ZNF334: variants seen among roughly 807,000 people sequenced by gnomAD.
The protein encoded by ZNF334 is zinc finger protein 334.
In ZNF334, 14 loss-of-function variants were observed where a neutral mutation model predicts 12.4. That is an observed-to-expected ratio of 1.13 (90% CI 0.74 to 1.76). The LOEUF (loss-of-function observed/expected upper bound fraction) is 1.76, where lower values mean the gene tolerates loss of function less well. Ranked by LOEUF, ZNF334 falls within the 40% of genes most tolerant of loss-of-function variation. The pLI, the probability that ZNF334 is intolerant of heterozygous loss-of-function variation, is 0.00. For synonymous variants in ZNF334, 273 were observed against 269.6 expected, an observed-to-expected ratio of 1.01 and a Z score of -0.12; for missense variants, 797 against 804.5, an observed-to-expected ratio of 0.99 and a Z score of 0.11.
Position 46,500,653 on chromosome 20 carries a change from G to C in ZNF334, c.*643C>G, listed in dbSNP as rs921489571. ...ACTTAGCTGAAAGCTTCAGGATCAT[G>C]AACTAGTTATCCTGTGCCTATCTTC... On this transcript the variant is annotated 3_prime_UTR_variant, in exon 5 of 5. Coordinates refer to ENST00000692313, the MANE Select transcript of ZNF334 (RefSeq NM_001353824.2). 18 of 152,228 alleles carry C rather than the reference G, an allele frequency of 1.2e-4. No homozygotes were observed. Among genetic ancestry groups the C allele is most frequent in the Admixed American group, 9.2e-4 (14 of 15,284 alleles). The allele number at this position is 152,228 out of a possible 1,614,324, so 9.4% of individuals were successfully genotyped here.
intron 4 of ZNF334, 82 bp from the exon 5 acceptor site, chr20:46,503,179 G>T: frequency 7.0e-7 from 1 of 1,438,360 alleles, no homozygotes; most frequent in Admixed American, 2.7e-5. Context: ...GAAATGCATT[G>T]TTTTAGGGGT....
the ZNF334 span, chr20:46,464,086 T>G: frequency 1.6e-6 from 1 of 614,552 alleles, no homozygotes; most frequent in East Asian, 3.9e-5. Flanking sequence ...CTCCGAGAAG[T>G]GGTTCCTTCA....
chr20:46,475,625 G>T, the ZNF334 span, among the ~76,000 whole-genome samples: 8 of 152,042 alleles, frequency 5.3e-5, no homozygotes, highest in Non-Finnish European at 1.2e-4. Context: ...GACATGAAAG[G>T]ACATTTCAAT....
chr20:46,506,030 C>T (rs2061417760), intron 2 of ZNF334: 1 of 242,402 alleles, frequency 4.1e-6, no homozygotes, highest in Admixed American at 5.6e-5. Context: ...TGGGCTGACG[C>T]TAGTAGTATA....
chr20:46,499,173 CAAAAAAAAAAA>C (rs61489091), downstream of ZNF334, among the ~76,000 whole-genome samples: 5 of 59,808 alleles, frequency 8.4e-5, no homozygotes, highest in Admixed American at 2.8e-4. Flanking sequence ...GACTCCGTCT[CAAAAAAAAAAA>C]AAAAAAAAAA....
the ZNF334 span, chr20:46,491,309 A>G: frequency 6.5e-6 from 1 of 152,826 alleles, no homozygotes; most frequent in Non-Finnish European, 1.5e-5. Context: ...TCATACTCAA[A>G]GGAAGCCCTT....
At chr20:46,480,239 T>C in the ZNF334 span, among the ~76,000 whole-genome samples, 2 of 152,116 alleles carry the variant, frequency 1.3e-5, no homozygotes, top group African/African-American at 2.4e-5. Context: ...GGTCACATAC[T>C]CACAGGTTCT....
chr20:46,463,202 G>C, the ZNF334 span, among the ~76,000 whole-genome samples: 16 of 152,174 alleles, frequency 1.1e-4, no homozygotes, highest in Admixed American at 1.0e-3. Context: ...AGCCGAGATC[G>C]TGTGACTGTA....
chr20:46,494,069 T>C, the ZNF334 span, among the ~76,000 whole-genome samples: 31 of 152,374 alleles, frequency 2.0e-4, no homozygotes, highest in African/African-American at 7.5e-4. Context: ...ATGGAGAACC[T>C]ATTACTGGGA....
At chr20:46,477,168 C>T in the ZNF334 span, 8 of 152,100 alleles carry the variant, frequency 5.3e-5, no homozygotes, top group African/African-American at 1.9e-4. Flanking sequence ...GAGAGAATAA[C>T]ACAAAGATAA....
chr20:46,508,635 A>C (rs747986279), intron 2 of ZNF334, among the ~76,000 whole-genome samples: 13 of 152,228 alleles, frequency 8.5e-5, no homozygotes, highest in Non-Finnish European at 1.6e-4. Flanking sequence ...GGCATGTGGC[A>C]CATCTGCGGA....
At position 46,501,840 on chromosome 20, in the gene ZNF334, A is replaced by C; in HGVS notation, c.1499T>G (p.Val500Gly). 1 of 1,613,354 alleles carries C rather than the reference A, an allele frequency of 6.2e-7. No individual in the cohort carries two copies. The highest frequency in any genetic ancestry group is 2.2e-5 in the East Asian group (1 of 44,732). Reference protein sequence around the residue: ...VFNKCGRISIVKSNCSQCKRM... With the variant: ...VFNKCGRISIGKSNCSQCKRM... ...CTTACACTGACTGCAGTTTGACTTC[A>C]CAATGGAGATTCTACCACATTTATT... Residue 500 changes from valine to glycine, a missense_variant, in exon 5 of 5, where the codon GTG becomes GGG. Coordinates refer to ENST00000692313, the MANE Select transcript of ZNF334 (RefSeq NM_001353824.2).
At chr20:46,470,700 C>T in the ZNF334 span, among the ~76,000 whole-genome samples, 1 of 152,184 alleles carries the variant, frequency 6.6e-6, no homozygotes, top group African/African-American at 2.4e-5. Flanking sequence ...TTTAGCTTTG[C>T]CTGTTACTTG....
rs11475698 is a variant in ZNF334, at chr20:46,510,757, CAA to C, written c.21+1323_21+1324del. Among the ~76,000 whole-genome samples the C allele has an allele frequency of 1.4e-3, 136 of 98,268 alleles. 1 individual carries two copies. Among genetic ancestry groups the C allele is most frequent in the East Asian group, 6.2e-3 (22 of 3,522 alleles). The allele number at this position is 98,268 out of a possible 152,430, so 64.5% of individuals were successfully genotyped here. ...TGGGTGATAGAGTGAGAGCCCATTT[CAA>C]AAAAAAAAAAAAAAAAAGATGGCCT... On this transcript the variant is annotated intron_variant, in intron 2 of 4. Coordinates refer to ENST00000692313, the MANE Select transcript of ZNF334 (RefSeq NM_001353824.2).
chr20:46,486,373 C>T, the ZNF334 span, among the ~76,000 whole-genome samples: 1,779 of 152,256 alleles, frequency 0.012, 39 homozygotes, highest in African/African-American at 0.041. Flanking sequence ...AAGATCGTGT[C>T]ACTGCACTCC....
chr20:46,479,805 G>C, the ZNF334 span, among the ~76,000 whole-genome samples: 1 of 152,090 alleles, frequency 6.6e-6, no homozygotes, highest in East Asian at 1.9e-4. Context: ...CCTGCTACCT[G>C]GAGGCTTCAT....
chr20:46,496,682 A>G (rs1385639969), downstream of ZNF334: 5 of 152,212 alleles, frequency 3.3e-5, no homozygotes, highest in Admixed American at 3.3e-4. Context: ...TATGCTTAGC[A>G]AGGCTTCTGC....
At chr20:46,483,438 C>G in the ZNF334 span, among the ~76,000 whole-genome samples, 2 of 151,854 alleles carry the variant, frequency 1.3e-5, no homozygotes, top group African/African-American at 2.4e-5. Flanking sequence ...TTTCTTTTAT[C>G]TGGCACTTGA....
the ZNF334 span, among the ~76,000 whole-genome samples, chr20:46,472,180 G>A: frequency 6.6e-6 from 1 of 152,082 alleles, no homozygotes; most frequent in Non-Finnish European, 1.5e-5. Flanking sequence ...TCTGTTTCCT[G>A]TTAACTCTTT....
Sources: gnomAD v4.1 joint callset for allele counts (sites outside exome capture counted in the v4.1 genomes callset) on GRCh38, gnomAD v4.1.1 for gene constraint, MANE v1.5 for transcripts, NCBI Gene and HGNC (gene_info 2026-07-23, HGNC 2026-07-21) for gene names.